ACACB: variants seen among roughly 807,000 people sequenced by gnomAD.
The protein encoded by ACACB is acetyl-CoA carboxylase beta.
ACACB carries 209 observed loss-of-function variants against 278.8 expected under a neutral mutation model. The ratio of observed to expected loss-of-function variants is 0.75; its 90% CI spans 0.67 to 0.84. The LOEUF (loss-of-function observed/expected upper bound fraction) is 0.84, where lower values mean the gene tolerates loss of function less well. Among genes scored for constraint, ACACB ranks in the 40% least tolerant of loss-of-function variants. The pLI is 0.00. For missense variants in ACACB, 2,850 were observed against 3,269.0 expected (o/e 0.87, Z 3.13); for synonymous variants, 1,174 against 1,285.6 (o/e 0.91, Z 1.86).
chr12:109,242,402 C>G (rs753468955), intron 36 of ACACB, 35 bp from the exon 37 acceptor site: 1 of 1,601,538 alleles, frequency 6.2e-7, no homozygotes, highest in South Asian at 1.1e-5. Flanking sequence ...GTGTGATTCT[C>G]TCTCACTCTC....
intron 2 of ACACB, among the ~76,000 whole-genome samples, chr12:109,145,366 C>T (rs2136051469): frequency 6.6e-6 from 1 of 152,116 alleles, no homozygotes; most frequent in Middle Eastern, 3.4e-3. Flanking sequence ...GGATATAATT[C>T]CCAGTGGTGA....
chr12:109,234,224 G>A (rs1043707367), intron 31 of ACACB, among the ~76,000 whole-genome samples, 179 bp downstream of exon 31: 9 of 152,200 alleles, frequency 5.9e-5, no homozygotes, highest in Admixed American at 3.9e-4. Context: ...GTGGCTGAAC[G>A]TGGGGTCAGC....
intron 24 of ACACB, among the ~76,000 whole-genome samples, chr12:109,221,879 CTTT>C (rs34724260): frequency 5.4e-5 from 7 of 130,116 alleles, no homozygotes; most frequent in Non-Finnish European, 9.5e-5. Context: ...AATCACTGAC[CTTT>C]TTTTTTTTTT....
intron 4 of ACACB, among the ~76,000 whole-genome samples, chr12:109,168,255 G>A (rs1321381376): frequency 6.6e-6 from 1 of 152,246 alleles, no homozygotes; most frequent in Non-Finnish European, 1.5e-5. Context: ...CATGCAGAGA[G>A]GAAATTCGAT....
Position 109,253,203 on chromosome 12 carries a change from A to C in ACACB, c.6045+45A>C, listed in dbSNP as rs376901995. ...GCTTAGAACCTGGAAGACTCTTATT[A>C]AGCTCATTGGCTAATTCTGTCCCTG... On this transcript the variant is annotated intron_variant, in intron 43 of 52. Transcript: ENST00000338432. 4 of 1,495,742 alleles carry C rather than the reference A, an allele frequency of 2.7e-6. No homozygotes were observed. The African/African-American group carries it at 5.5e-5, about 21-fold the overall frequency. The allele number at this position is 1,495,742 out of a possible 1,614,324, so 92.7% of individuals were successfully genotyped here. A position where few individuals can be genotyped will look rare whatever the true frequency, so the allele number is the denominator to read the frequency against.
At chr12:109,144,893 C>G (rs1354003686) in intron 2 of ACACB, among the ~76,000 whole-genome samples, 3 of 151,568 alleles carry the variant, frequency 2.0e-5, no homozygotes. Flanking sequence ...TCCTGAGTAT[C>G]TGGGACTACA....
chr12:109,163,040 C>T (rs1048538740), intron 2 of ACACB, among the ~76,000 whole-genome samples: 11 of 152,214 alleles, frequency 7.2e-5, no homozygotes, highest in Non-Finnish European at 1.2e-4. Context: ...TCTCCTGCCT[C>T]AGCCTCCCAT....
At chr12:109,194,610 CTGTGTGTGTGTGTG>C (rs144545047) in intron 16 of ACACB, among the ~76,000 whole-genome samples, 18 of 95,420 alleles carry the variant, frequency 1.9e-4, no homozygotes, top group South Asian at 3.3e-4. Context: ...GCCTCTGCCT[CTGTGTGTGTGTGTG>C]TGTGTGTGTG....
At position 109,235,494 on chromosome 12, in the gene ACACB, A is replaced by G. The variant is rs1490942656; in HGVS notation, c.4405-112A>G. The stretch of plus-strand genomic sequence containing the variant: ...CATTAGAAAGGAGAAGGATTTCCAA[A>G]TGATTCATTCTAGAAGTGAATGTAA... On this transcript the variant is annotated intron_variant, in intron 32 of 52. Coordinates refer to ENST00000338432, the MANE Select transcript of ACACB (RefSeq NM_001093.4). 5 of 1,420,722 alleles carry G rather than the reference A, an allele frequency of 3.5e-6. No individual in the cohort carries two copies. The African/African-American group carries it at 7.1e-5, about 20-fold the overall frequency. The allele number at this position is 1,420,722 out of a possible 1,614,324, so 88.0% of individuals were successfully genotyped here.
chr12:109,151,874 G>A (rs938364891), intron 2 of ACACB, among the ~76,000 whole-genome samples: 1 of 152,232 alleles, frequency 6.6e-6, no homozygotes, highest in Non-Finnish European at 1.5e-5. Context: ...TATTAGGTTG[G>A]TGCAAAAGTA....
intron 1 of ACACB, among the ~76,000 whole-genome samples, chr12:109,121,718 G>T (rs1416412554): frequency 6.6e-6 from 1 of 152,188 alleles, no homozygotes; most frequent in Non-Finnish European, 1.5e-5. Context: ...GGCAGCAGGG[G>T]TGGGGGTGGC....
intron 42 of ACACB, chr12:109,252,494 T>C (rs2136764031): frequency 5.0e-6 from 1 of 200,220 alleles, no homozygotes; most frequent in South Asian, 1.6e-4. Context: ...TCTCATCTTC[T>C]GTCTTTATGT....
At chr12:109,161,270 G>A (rs1256637412) in intron 2 of ACACB, among the ~76,000 whole-genome samples, 1 of 152,132 alleles carries the variant, frequency 6.6e-6, no homozygotes, top group East Asian at 1.9e-4. Context: ...GAGTCCAGTT[G>A]TGGGGTCTCA....
intron 28 of ACACB, among the ~76,000 whole-genome samples, chr12:109,228,041 A>C (rs983885028): frequency 3.0e-4 from 46 of 151,604 alleles, no homozygotes; most frequent in Non-Finnish European, 5.6e-4. Flanking sequence ...CTCAAAAAAA[A>C]AAAAAAAAAG....
chr12:109,122,474 C>T (rs1036416511), intron 1 of ACACB, among the ~76,000 whole-genome samples: 1 of 147,320 alleles, frequency 6.8e-6, no homozygotes, highest in African/African-American at 2.5e-5. Flanking sequence ...TTTGGGAGGC[C>T]GAGGAGGGGG....
intron 16 of ACACB, among the ~76,000 whole-genome samples, chr12:109,194,122 G>A (rs947290983): frequency 1.3e-5 from 2 of 152,174 alleles, no homozygotes; most frequent in Non-Finnish European, 2.9e-5. Context: ...TTCTGGTGCT[G>A]CTGGCAGTCC....
intron 13 of ACACB, 35 bp downstream of exon 13, chr12:109,188,197 CCTT>C: frequency 8.1e-7 from 1 of 1,236,206 alleles, no homozygotes. Context: ...TTCCTTCCTT[CCTT>C]CCTTCCTTCC....
chr12:109,236,404 TAG>T (rs2046634400), intron 33 of ACACB: 1 of 152,476 alleles, frequency 6.6e-6, no homozygotes, highest in African/African-American at 2.4e-5. Context: ...TATGCTCGTC[TAG>T]AACAGTGGTT....
At chr12:109,235,579 G>A in intron 32 of ACACB, 27 bp from the exon 33 acceptor site, 3 of 1,606,446 alleles carry the variant, frequency 1.9e-6, no homozygotes, top group Non-Finnish European at 2.6e-6. Context: ...TGATTTAATT[G>A]TCTTGTGTGT....
Sources: gnomAD v4.1 joint callset for allele counts (sites outside exome capture counted in the v4.1 genomes callset) on GRCh38, gnomAD v4.1.1 for gene constraint, MANE v1.5 for transcripts, NCBI Gene and HGNC (gene_info 2026-07-23, HGNC 2026-07-21) for gene names.